The following SHQ1 variants were observed in gnomAD, a reference collection of about 807,000 sequenced individuals.
The protein encoded by SHQ1 is SHQ1, H/ACA ribonucleoprotein assembly factor, also known as protein SHQ1 homolog.
In SHQ1, 49 loss-of-function variants were observed where a neutral mutation model predicts 53.8. That is an observed-to-expected ratio of 0.91 (90% confidence interval 0.72 to 1.16). The LOEUF (loss-of-function observed/expected upper bound fraction) is 1.16, where lower values mean the gene tolerates loss of function less well. Among genes scored for constraint, SHQ1 ranks in the 50% most tolerant of loss-of-function variants. The pLI is 0.00. For synonymous variants in SHQ1, 243 were observed against 251.0 expected (o/e 0.97, Z 0.30); for missense variants, 738 against 683.1 (o/e 1.08, Z -0.90).
At chr3:72,794,772 G>T (rs2106801814) in intron 9 of SHQ1, 1 of 152,108 alleles carries the variant, frequency 6.6e-6, no homozygotes, top group East Asian at 1.9e-4. Flanking sequence ...CACTATCAAG[G>T]TCTAGCTCCA....
Position 72,848,402 on chromosome 3 carries a change from C to T in SHQ1, c.-62G>A. On this transcript the variant is annotated 5_prime_UTR_variant, in exon 1 of 11. Coordinates refer to ENST00000325599, the MANE Select transcript of SHQ1 (RefSeq NM_018130.3). ...TCACTGCCGCCGCGTTCCCGCCACG[C>T]AAACTCTCCAACTCCCCACGCGCAG... The T allele has an allele frequency of 6.2e-7, 1 of 1,600,054 alleles. No individual in the cohort carries two copies. The highest frequency in any genetic ancestry group is 1.1e-5 in the South Asian group (1 of 89,860).
At chr3:72,833,534 CAGAT>C (rs113103994) in intron 4 of SHQ1, among the ~76,000 whole-genome samples, 7,127 of 149,724 alleles carry the variant, frequency 0.048, 227 homozygotes, top group Middle Eastern at 0.11. Context: ...GGATGATAGA[CAGAT>C]AGATAGATAG....
chr3:72,753,026 A>G (rs1328766708), intron 10 of SHQ1: 2 of 985,294 alleles, frequency 2.0e-6, no homozygotes, highest in East Asian at 2.3e-4. Context: ...GAGTAAATAA[A>G]CTTTTCCATT....
At chr3:72,821,112 G>A (rs1313578592) in intron 6 of SHQ1, among the ~76,000 whole-genome samples, 3 of 152,076 alleles carry the variant, frequency 2.0e-5, no homozygotes, top group Non-Finnish European at 4.4e-5. Flanking sequence ...CCAGATCAAG[G>A]GAACCAGAAA....
In SHQ1 at chr3:72,802,332, C is replaced by A. The variant is rs529111758; in HGVS notation, c.1061-9296G>T. 2.6e-5 allele frequency among the ~76,000 whole-genome samples: 4 copies of A among 152,288 alleles called. No individual in the cohort carries two copies. In the East Asian group the frequency reaches 7.7e-4, roughly 29 times the overall value. On this transcript the variant is annotated intron_variant, in intron 9 of 10. Coordinates refer to ENST00000325599, the MANE Select transcript of SHQ1 (RefSeq NM_018130.3). Reference sequence around the variant, plus strand: ...GAATAGGTCTCCTCTCTTCTCCATGCCCACTAACCTCACCCTTCTCAATGA... The same window carrying A: ...GAATAGGTCTCCTCTCTTCTCCATGACCACTAACCTCACCCTTCTCAATGA...
At chr3:72,754,074 G>A (rs1471126772) in intron 10 of SHQ1, among the ~76,000 whole-genome samples, 2 of 152,154 alleles carry the variant, frequency 1.3e-5, no homozygotes, top group Non-Finnish European at 2.9e-5. Context: ...TTACTTTACT[G>A]ACTATATATC....
intron 10 of SHQ1, among the ~76,000 whole-genome samples, chr3:72,784,924 G>A (rs1706179229): frequency 6.6e-6 from 1 of 152,112 alleles, no homozygotes; most frequent in African/African-American, 2.4e-5. Context: ...TTCTTGAGGT[G>A]GCTGTATGTC....
the SHQ1 span, among the ~76,000 whole-genome samples, chr3:72,734,322 T>G: frequency 3.3e-5 from 5 of 151,192 alleles, 1 homozygote; most frequent in Non-Finnish European, 7.4e-5. Context: ...AGTGATGTGA[T>G]CTCGACTCAC....
At chr3:72,840,579 A>G (rs1575740035) in intron 4 of SHQ1, among the ~76,000 whole-genome samples, 1 of 150,102 alleles carries the variant, frequency 6.7e-6, no homozygotes, top group Middle Eastern at 3.4e-3. Flanking sequence ...AAAAAAAAAG[A>G]GAATAGAAAA....
At chr3:72,778,198 C>T (rs374460913) in intron 10 of SHQ1, among the ~76,000 whole-genome samples, 49 of 152,226 alleles carry the variant, frequency 3.2e-4, no homozygotes, top group African/African-American at 1.1e-3. Flanking sequence ...CACCTATAAT[C>T]GATCCACTTT....
chr3:72,744,928 G>T (rs529486929), downstream of SHQ1, among the ~76,000 whole-genome samples: 1 of 141,198 alleles, frequency 7.1e-6, no homozygotes, highest in Admixed American at 7.2e-5. Flanking sequence ...TACATTGGGG[G>T]GGGGGGGTGG....
At chr3:72,732,892 G>T in the SHQ1 span, among the ~76,000 whole-genome samples, 1 of 151,690 alleles carries the variant, frequency 6.6e-6, no homozygotes, top group Non-Finnish European at 1.5e-5. Context: ...ATAAACAAAT[G>T]GTAGGTGTTT....
chr3:72,733,008 G>A, the SHQ1 span, among the ~76,000 whole-genome samples: 373 of 151,764 alleles, frequency 2.5e-3, 11 homozygotes, highest in African/African-American at 7.7e-3. Context: ...GCCTGGCCAC[G>A]GTGCAGATGG....
the SHQ1 span, among the ~76,000 whole-genome samples, chr3:72,726,098 T>C: frequency 0.012 from 1,892 of 152,108 alleles, 54 homozygotes; most frequent in African/African-American, 0.043. Flanking sequence ...TAAGATCCAG[T>C]CTCTACCAAA....
intron 10 of SHQ1, among the ~76,000 whole-genome samples, chr3:72,781,730 T>C (rs1012473322): frequency 6.6e-6 from 1 of 152,096 alleles, no homozygotes; most frequent in Non-Finnish European, 1.5e-5. Flanking sequence ...AAAATAGGAA[T>C]GGCTGTTCCA....
chr3:72,833,252 G>A (rs1049877604), intron 4 of SHQ1, among the ~76,000 whole-genome samples: 1 of 151,984 alleles, frequency 6.6e-6, no homozygotes, highest in Admixed American at 6.6e-5. Context: ...ACCACCCTGG[G>A]CAACATGGAG....
intron 1 of SHQ1, 31 bp from the exon 2 acceptor site, chr3:72,844,454 C>G (rs752621425): frequency 1.9e-6 from 3 of 1,569,992 alleles, no homozygotes; most frequent in Non-Finnish European, 1.8e-6. Context: ...TCATGAAGTC[C>G]TTAAATTATA....
intron 5 of SHQ1, among the ~76,000 whole-genome samples, chr3:72,825,361 T>TACACACACACACACACACACACACAC (rs61048915): frequency 2.1e-5 from 3 of 141,874 alleles, no homozygotes; most frequent in African/African-American, 7.8e-5. Flanking sequence ...TAAAAGGGGC[T>TACACACACACACACACACACACACAC]ACACACACAC....
chr3:72,740,059 T>C, the SHQ1 span, among the ~76,000 whole-genome samples: 1 of 152,196 alleles, frequency 6.6e-6, no homozygotes, highest in Non-Finnish European at 1.5e-5. Context: ...GCCCTGCACA[T>C]GGGAGCATTG....
Sources: allele counts gnomAD v4.1 joint callset (sites outside exome capture counted in the v4.1 genomes callset), GRCh38; gene constraint gnomAD v4.1.1; transcripts MANE v1.5; gene names NCBI Gene and HGNC (gene_info 2026-07-23, HGNC 2026-07-21).